Variants in RSU1 observed in about 807,000 individuals in gnomAD.
RSU1 encodes the protein rsu-1.
Under a neutral mutation model 31.1 loss-of-function variants are expected in RSU1, and 26 were observed. The ratio of observed to expected loss-of-function variants is 0.84; its 90% CI spans 0.61 to 1.16. The LOEUF (loss-of-function observed/expected upper bound fraction) is 1.16. RSU1 is among the 50% of genes most tolerant of loss of function. The pLI, the probability that RSU1 is intolerant of heterozygous loss-of-function variation, is 0.00. For synonymous variants in RSU1, 164 were observed against 136.3 expected (o/e 1.20, Z -1.41); for missense variants, 320 against 339.1 (o/e 0.94, Z 0.44).
intron 8 of RSU1, among the ~76,000 whole-genome samples, chr10:16,595,987 C>T (rs925485757): frequency 5.3e-5 from 8 of 151,836 alleles, no homozygotes; most frequent in African/African-American, 1.9e-4. Context: ...AAAATCTGCT[C>T]CATGAAAGCG....
intron 2 of RSU1, among the ~76,000 whole-genome samples, chr10:16,789,598 C>G (rs901073598): frequency 5.3e-5 from 8 of 152,108 alleles, no homozygotes; most frequent in Admixed American, 5.2e-4. Context: ...AAAGGTCTAC[C>G]GAAATAGAAT....
At chr10:16,690,481 T>G (rs1835525031) in intron 8 of RSU1, among the ~76,000 whole-genome samples, 1 of 152,156 alleles carries the variant, frequency 6.6e-6, no homozygotes, top group African/African-American at 2.4e-5. Flanking sequence ...AAGAGCAATC[T>G]CTGAAGAACT....
intron 8 of RSU1, among the ~76,000 whole-genome samples, chr10:16,594,673 CATAT>C (rs1022351446): frequency 7.3e-6 from 1 of 137,594 alleles, no homozygotes; most frequent in Non-Finnish European, 1.5e-5. Context: ...TTATCTATAT[CATAT>C]ATTATCTGTA....
chr10:16,745,733 A>G (rs1836839346), intron 7 of RSU1, among the ~76,000 whole-genome samples: 1 of 152,212 alleles, frequency 6.6e-6, no homozygotes, highest in South Asian at 2.1e-4. Flanking sequence ...ACAGAGCCAC[A>G]TCATATCAAT....
At chr10:16,705,760 G>C (rs1588481814) in intron 7 of RSU1, among the ~76,000 whole-genome samples, 1 of 152,162 alleles carries the variant, frequency 6.6e-6, no homozygotes, top group Non-Finnish European at 1.5e-5. Context: ...AAAGTGCTGG[G>C]ATTACAGGAG....
chr10:16,810,289 A>C (rs889998387), intron 2 of RSU1, among the ~76,000 whole-genome samples: 9 of 152,086 alleles, frequency 5.9e-5, no homozygotes, highest in African/African-American at 9.7e-5. Context: ...TCCCAAACGA[A>C]CTCTGGTTAC....
At chr10:16,718,097 T>TAAA (rs11411668) in intron 7 of RSU1, among the ~76,000 whole-genome samples, 10,316 of 136,004 alleles carry the variant, frequency 0.076, 671 homozygotes, top group East Asian at 0.28. Context: ...TCAATTTATT[T>TAAA]AAAAAAAAAA....
At position 16,754,983 on chromosome 10, in the gene RSU1, G is replaced by A. The variant is rs776590449; in HGVS notation, c.288C>T (p.Asn96=). ...AGCCTCGTGGCAAAGTGTTCAGCCT[G>A]TTCATGCTGTTGCAGGGGGACAAAA... ...QKLKHLNLGM[N]RLNTLPRGFG... is the part of the protein sequence containing the mutation. The change falls in exon 5 of 9, where the codon AAC becomes AAT. Residue 96 remains asparagine, a synonymous_variant. Coordinates refer to ENST00000345264, the MANE Select transcript of RSU1 (RefSeq NM_012425.4). 2 of 1,608,126 alleles carry A rather than the reference G, an allele frequency of 1.2e-6. No individual in the cohort carries two copies. Among genetic ancestry groups the A allele is most frequent in the African/African-American group, 1.3e-5 (1 of 74,552 alleles).
intron 7 of RSU1, chr10:16,722,972 GTATATAT>G (rs1836308362): frequency 7.3e-5 from 10 of 137,694 alleles, no homozygotes; most frequent in African/African-American, 2.4e-4. Flanking sequence ...ATACATATAT[GTATATAT>G]ACACACATAT....
At chr10:16,676,018 C>T (rs906149913) in intron 8 of RSU1, among the ~76,000 whole-genome samples, 1 of 152,184 alleles carries the variant, frequency 6.6e-6, no homozygotes, top group Non-Finnish European at 1.5e-5. Flanking sequence ...AATCTGATTA[C>T]AGTCAGTTGG....
At chr10:16,774,677 C>G (rs1027567524) in intron 3 of RSU1, among the ~76,000 whole-genome samples, 34 of 152,198 alleles carry the variant, frequency 2.2e-4, no homozygotes, top group Non-Finnish European at 1.6e-4. Context: ...GCATGGACCT[C>G]TAAAGAATTC....
intron 8 of RSU1, among the ~76,000 whole-genome samples, chr10:16,681,941 G>A (rs77186789): frequency 0.021 from 3,130 of 151,928 alleles, 101 homozygotes; most frequent in African/African-American, 0.071. Flanking sequence ...AGTGTTTCAC[G>A]GAAGAGTCAC....
At chr10:16,778,685 TAG>T (rs1436047954) in intron 3 of RSU1, among the ~76,000 whole-genome samples, 10 of 151,360 alleles carry the variant, frequency 6.6e-5, no homozygotes, top group South Asian at 2.1e-4. Flanking sequence ...GAGAGGCTGG[TAG>T]AGAGGAGGAG....
chr10:16,605,743 T>C (rs1033073903), intron 8 of RSU1, among the ~76,000 whole-genome samples: 1 of 152,206 alleles, frequency 6.6e-6, no homozygotes, highest in Non-Finnish European at 1.5e-5. Context: ...TCCTCTGTGG[T>C]GGAACTCCGG....
chr10:16,606,287 A>G (rs551736737), intron 8 of RSU1, among the ~76,000 whole-genome samples: 1 of 152,248 alleles, frequency 6.6e-6, no homozygotes, highest in African/African-American at 2.4e-5. Context: ...ATTTGGTTAA[A>G]ATTAACATTA....
intron 2 of RSU1, among the ~76,000 whole-genome samples, chr10:16,790,660 T>C (rs1476913125): frequency 3.3e-5 from 5 of 152,122 alleles, no homozygotes; most frequent in Non-Finnish European, 5.9e-5. Context: ...CTAAATTTCA[T>C]GTTGAATTGT....
chr10:16,780,577 G>A (rs934959092), intron 3 of RSU1, among the ~76,000 whole-genome samples: 6 of 152,194 alleles, frequency 3.9e-5, no homozygotes, highest in African/African-American at 1.4e-4. Context: ...GTTTGCACAA[G>A]ATAAGCAAAA....
At chr10:16,740,176 T>C (rs1836722226) in intron 7 of RSU1, among the ~76,000 whole-genome samples, 1 of 152,076 alleles carries the variant, frequency 6.6e-6, no homozygotes, top group South Asian at 2.1e-4. Context: ...TACAAACTAA[T>C]ATCCCTCATG....
At chr10:16,603,882 T>G (rs1464003207) in intron 8 of RSU1, among the ~76,000 whole-genome samples, 1 of 152,224 alleles carries the variant, frequency 6.6e-6, no homozygotes, top group Non-Finnish European at 1.5e-5. Flanking sequence ...TATAAGGAAG[T>G]AAGTTAGGAA....
Sources: gnomAD v4.1 joint callset for allele counts (sites outside exome capture counted in the v4.1 genomes callset) on GRCh38, gnomAD v4.1.1 for gene constraint, MANE v1.5 for transcripts, NCBI Gene and HGNC (gene_info 2026-07-23, HGNC 2026-07-21) for gene names.